The following SUGCT variants were observed in gnomAD, a reference collection of about 807,000 sequenced individuals.
SUGCT encodes succinyl-CoA:glutarate-CoA transferase, also known as succinyl-CoA:glutarate CoA-transferase.
Under a neutral mutation model 55.0 loss-of-function variants are expected in SUGCT, and 41 were observed. The ratio of observed to expected loss-of-function variants is 0.74; its 90% confidence interval spans 0.58 to 0.97. SUGCT has a LOEUF of 0.97. SUGCT is among the 50% of genes least tolerant of loss of function. SUGCT has a pLI of 0.00. For missense variants in SUGCT, 568 were observed against 547.8 expected (o/e 1.04, Z -0.37); for synonymous variants, 187 against 200.4 (o/e 0.93, Z 0.56).
intron 9 of SUGCT, among the ~76,000 whole-genome samples, chr7:40,424,256 G>T (rs985181690): frequency 6.6e-6 from 1 of 152,136 alleles, no homozygotes. Flanking sequence ...GCAAGGTATA[G>T]AATGAAGAAT....
At chr7:40,613,926 T>C (rs1162516303) in intron 12 of SUGCT, among the ~76,000 whole-genome samples, 1 of 152,198 alleles carries the variant, frequency 6.6e-6, no homozygotes, top group Non-Finnish European at 1.5e-5. Context: ...TATTTCTAAC[T>C]ACATAGTAGT....
chr7:40,832,737 C>CA (rs1337537053), intron 13 of SUGCT, among the ~76,000 whole-genome samples: 1 of 151,006 alleles, frequency 6.6e-6, no homozygotes, highest in African/African-American at 2.4e-5. Context: ...TGCAGTGGCC[C>CA]AATCTTGGCT....
At position 40,812,392 on chromosome 7, in the gene SUGCT, A is replaced by G. The variant is rs551899431; in HGVS notation, c.1154-47924A>G. ...GGTAGTTTTTAAAATTATTGCTTCA[A>G]TTTCAGAACTTGATATTGGTCTGTT... is the stretch of plus-strand genomic sequence containing the variant. On this transcript the variant is annotated intron_variant, in intron 13 of 13. Transcript: ENST00000335693. Among the ~76,000 whole-genome samples the G allele has an allele frequency of 5.9e-5, 9 of 152,156 alleles. No individual in the cohort carries two copies. In the East Asian group the frequency reaches 1.5e-3, roughly 26 times the overall value.
chr7:40,775,974 A>C (rs1789427648), intron 13 of SUGCT, among the ~76,000 whole-genome samples: 1 of 152,146 alleles, frequency 6.6e-6, no homozygotes, highest in Non-Finnish European at 1.5e-5. Context: ...ATTATCTTTC[A>C]ATGTCAGATG....
intron 9 of SUGCT, among the ~76,000 whole-genome samples, chr7:40,330,130 T>C (rs1243067715): frequency 2.6e-5 from 4 of 152,184 alleles, no homozygotes; most frequent in Admixed American, 1.3e-4. Flanking sequence ...GTAGACATTA[T>C]TGAGAACAGA....
At chr7:40,392,279 A>G (rs1785478071) in intron 9 of SUGCT, among the ~76,000 whole-genome samples, 1 of 152,212 alleles carries the variant, frequency 6.6e-6, no homozygotes. Context: ...AACTTAAAGT[A>G]TAATAATAAT....
intron 9 of SUGCT, among the ~76,000 whole-genome samples, chr7:40,405,131 A>G (rs544767177): frequency 1.3e-5 from 2 of 152,292 alleles, no homozygotes; most frequent in South Asian, 2.1e-4. Context: ...ATACCCCTCA[A>G]CAGCAGAAGT....
chr7:40,734,710 T>C (rs76504940), intron 12 of SUGCT, among the ~76,000 whole-genome samples: 3,073 of 152,300 alleles, frequency 0.02, 63 homozygotes, highest in Non-Finnish European at 0.03. Flanking sequence ...ACTTTTTTGT[T>C]ACTTTGGTCC....
intron 9 of SUGCT, among the ~76,000 whole-genome samples, chr7:40,332,840 A>G (rs1796404136): frequency 6.6e-6 from 1 of 152,190 alleles, no homozygotes; most frequent in East Asian, 1.9e-4. Flanking sequence ...ATGAGACCCA[A>G]TTTGACACAG....
At chr7:40,301,649 A>T (rs1400328368) in intron 8 of SUGCT, among the ~76,000 whole-genome samples, 2 of 152,256 alleles carry the variant, frequency 1.3e-5, no homozygotes, top group African/African-American at 2.4e-5. Context: ...TTTGGGAACC[A>T]TTCCACAGAA....
At chr7:40,805,992 C>G (rs1791069980) in intron 13 of SUGCT, among the ~76,000 whole-genome samples, 1 of 152,158 alleles carries the variant, frequency 6.6e-6, no homozygotes, top group Admixed American at 6.5e-5. Flanking sequence ...TAGAAAGCCA[C>G]CTGGGGAATC....
the SUGCT span, among the ~76,000 whole-genome samples, chr7:40,898,483 G>C: frequency 1.2e-4 from 13 of 108,370 alleles, 1 homozygote; most frequent in African/African-American, 3.8e-4. Context: ...GGGAGGTCGG[G>C]GGGGGGGGGG....
At chr7:40,344,001 AC>A (rs1797187615) in intron 9 of SUGCT, among the ~76,000 whole-genome samples, 2 of 152,156 alleles carry the variant, frequency 1.3e-5, no homozygotes, top group East Asian at 1.9e-4. Flanking sequence ...CAAACCTTAG[AC>A]CTGTTCCCAG....
chr7:40,538,325 T>C (rs1484680078), intron 12 of SUGCT: 1 of 152,162 alleles, frequency 6.6e-6, no homozygotes, highest in Admixed American at 6.6e-5. Flanking sequence ...GATGAAGACA[T>C]CAAGATTGTC....
chr7:40,273,509 A>G (rs762718313), intron 7 of SUGCT, among the ~76,000 whole-genome samples: 6 of 152,212 alleles, frequency 3.9e-5, no homozygotes, highest in Admixed American at 6.5e-5. Context: ...TGATATATCA[A>G]TGACTAATAA....
At chr7:40,669,303 A>G (rs372006412) in intron 12 of SUGCT, among the ~76,000 whole-genome samples, 107 of 150,906 alleles carry the variant, frequency 7.1e-4, no homozygotes, top group African/African-American at 2.5e-3. Flanking sequence ...GGTTTAAATA[A>G]GGTCCAGAGT....
chr7:40,749,419 T>C lies in SUGCT; in HGVS notation c.1090-15T>C, dbSNP rs1369111943. On this transcript the variant is annotated splice_polypyrimidine_tract_variant and intron_variant, in intron 12 of 13. Coordinates refer to ENST00000335693, the MANE Select transcript of SUGCT (RefSeq NM_001193313.2). The stretch of plus-strand genomic sequence containing the variant: ...ATTTTGTAAATTATTTTTCTCTCTG[T>C]TTTTGCCTTTTCAGGTATTACACAA... The C allele has an allele frequency of 1.2e-6, 2 of 1,609,174 alleles. No homozygotes were observed. The highest frequency in any genetic ancestry group is 1.7e-6 in the Non-Finnish European group (2 of 1,175,612).
intron 12 of SUGCT, among the ~76,000 whole-genome samples, chr7:40,742,274 G>A (rs150927188): frequency 3.4e-4 from 51 of 152,150 alleles, no homozygotes; most frequent in African/African-American, 1.2e-3. Flanking sequence ...TAGTAACAGT[G>A]AATTGTTTCA....
intron 12 of SUGCT, among the ~76,000 whole-genome samples, chr7:40,560,875 C>T (rs866962678): frequency 3.9e-5 from 6 of 152,156 alleles, no homozygotes; most frequent in East Asian, 1.9e-4. Context: ...GCTGATTTTA[C>T]GAAAAATCTG....
Sources: gnomAD v4.1 joint callset for allele counts (sites outside exome capture counted in the v4.1 genomes callset) on GRCh38, gnomAD v4.1.1 for gene constraint, MANE v1.5 for transcripts, NCBI Gene and HGNC (gene_info 2026-07-23, HGNC 2026-07-21) for gene names.